The following WIPF3 variants were observed in gnomAD, a reference collection of about 807,000 sequenced individuals.
The protein encoded by WIPF3 is WAS/WASL-interacting protein family member 3.
In WIPF3, 33 loss-of-function variants were observed where a neutral mutation model predicts 38.9. That is an observed-to-expected ratio of 0.85 (90% CI 0.64 to 1.14). The LOEUF (loss-of-function observed/expected upper bound fraction) is 1.14, where lower values mean the gene tolerates loss of function less well. Among genes scored for constraint, WIPF3 ranks in the 50% most tolerant of loss-of-function variants. The pLI, the probability that WIPF3 is intolerant of heterozygous loss-of-function variation, is 0.00. For missense variants in WIPF3, 711 were observed against 652.5 expected (o/e 1.09, Z -0.98); for synonymous variants, 324 against 269.3 (o/e 1.20, Z -1.99).
intron 6 of WIPF3, among the ~76,000 whole-genome samples, chr7:29,888,525 G>A (rs2128077208): frequency 6.6e-6 from 1 of 152,152 alleles, no homozygotes. Context: ...GTGTGTGTGT[G>A]TGTGTGTGTC....
intron 6 of WIPF3, 109 bp downstream of exon 6, chr7:29,888,326 C>G: frequency 7.2e-7 from 1 of 1,392,130 alleles, no homozygotes; most frequent in Middle Eastern, 2.4e-4. Context: ...AGGGTGCATG[C>G]TTCTTTCATG....
chr7:29,887,842 C>T (rs987074243), intron 5 of WIPF3, among the ~76,000 whole-genome samples: 2 of 152,196 alleles, frequency 1.3e-5, no homozygotes, highest in African/African-American at 4.8e-5. Flanking sequence ...TGTACTATTA[C>T]TACTCCCATC....
intron 2 of WIPF3, among the ~76,000 whole-genome samples, chr7:29,871,320 G>C (rs1189373214): frequency 6.6e-6 from 1 of 152,202 alleles, no homozygotes; most frequent in Non-Finnish European, 1.5e-5. Context: ...GCTGACGCCT[G>C]TCTGCCCCCA....
intron 7 of WIPF3, among the ~76,000 whole-genome samples, chr7:29,902,268 C>CTTTTTTTTTTTTTTT (rs1267369053): frequency 5.1e-5 from 6 of 117,306 alleles, no homozygotes; most frequent in Admixed American, 9.3e-5. Context: ...TCTTCTTCTT[C>CTTTTTTTTTTTTTTT]TTCTTCTTTT....
intron 7 of WIPF3, among the ~76,000 whole-genome samples, chr7:29,899,573 C>T (rs1786229633): frequency 6.6e-6 from 1 of 152,198 alleles, no homozygotes; most frequent in Admixed American, 6.5e-5. Flanking sequence ...AAAATGTTCA[C>T]TCATATATGC....
chr7:29,884,515 G>A lies in WIPF3; in HGVS notation c.1021G>A (p.Gly341Ser), dbSNP rs1351430915. 49 of 1,574,618 alleles carry A rather than the reference G, an allele frequency of 3.1e-5. No homozygotes were observed. The highest frequency in any genetic ancestry group is 1.4e-4 in the African/African-American group (10 of 72,376). ...PSFQAPPQKAGAQALPAPPAP... is the reference protein window; with the variant it reads ...PSFQAPPQKASAQALPAPPAP... Reference sequence around the variant, plus strand: ...CTTCCAGGCCCCACCGCAGAAGGCCGGTGCGCAGGCCTTGCCCGCCCCGCC... The same window carrying A: ...CTTCCAGGCCCCACCGCAGAAGGCCAGTGCGCAGGCCTTGCCCGCCCCGCC... The change falls in exon 5 of 9, where the codon GGT becomes AGT. Residue 341 changes from glycine (G) to serine (S), a missense_variant. Physicochemically the swap from Gly to Ser is moderately conservative, Grantham distance 56. Transcript: ENST00000242140.
chr7:29,884,264 T>TTGGCCCCC lies in WIPF3; in HGVS notation c.770_771insTGGCCCCC (p.Pro258GlyfsTer119). 1 of 1,315,278 alleles carries TTGGCCCCC rather than the reference T, an allele frequency of 7.6e-7. No homozygotes were observed. The highest frequency in any genetic ancestry group is 1.0e-6 in the Non-Finnish European group (1 of 992,702). The allele number at this position is 1,315,278 out of a possible 1,614,324, so 81.5% of individuals were successfully genotyped here. On this transcript the variant is annotated frameshift_variant, in exon 5 of 9. Coordinates refer to ENST00000242140, the MANE Select transcript of WIPF3 (RefSeq NM_001080529.3). LOFTEE classifies it high-confidence loss of function. ...AAGCCTCAGCTGGCTCCCTTGCACC[T>TTGGCCCCC]CCCGCCCATCCCGCCCCCGCTCCCT...
At chr7:29,875,695 A>G (rs1785577246) in intron 2 of WIPF3, 135 bp from the exon 3 acceptor site, 1 of 1,196,736 alleles carries the variant, frequency 8.4e-7, no homozygotes. Context: ...TGTCTCTCCC[A>G]TAGGTAATCT....
At position 29,837,915 on chromosome 7, in the gene WIPF3, G is replaced by T. The variant is rs531597345; in HGVS notation, c.90+3101G>T. 4.2e-4 allele frequency among the ~76,000 whole-genome samples: 63 copies of T among 151,256 alleles called. 1 individual carries two copies. In the South Asian group the frequency reaches 8.9e-3, roughly 21 times the overall value. On this transcript the variant is annotated intron_variant, in intron 2 of 8. Transcript: ENST00000242140. ...ATATTTTTATTTATTTATTTATTTAGTTAGTTAGTTATTTAGTTATTGAGA... is the reference window on the plus strand; with the variant it reads ...ATATTTTTATTTATTTATTTATTTATTTAGTTAGTTATTTAGTTATTGAGA...
intron 2 of WIPF3, among the ~76,000 whole-genome samples, chr7:29,840,941 C>T (rs560549097): frequency 6.6e-6 from 1 of 152,140 alleles, no homozygotes; most frequent in African/African-American, 2.4e-5. Context: ...GGCACCTGAT[C>T]GGATATCAAG....
At position 29,850,909 on chromosome 7, in the gene WIPF3, T is replaced by C. The variant is rs557856361; in HGVS notation, c.90+16095T>C. ...CCAATTCTTTTGGACCTCACTTTCC[T>C]CATCTGTGAAATGGAAATAATAATA... is the stretch of plus-strand genomic sequence containing the variant. On this transcript the variant is annotated intron_variant, in intron 2 of 8. Transcript: ENST00000242140. Among the ~76,000 whole-genome samples the C allele has an allele frequency of 2.4e-4, 37 of 152,196 alleles. 1 individual carries two copies. The highest frequency in any genetic ancestry group is 1.6e-4 in the Non-Finnish European group (11 of 68,032).
Position 29,834,810 on chromosome 7 carries a change from C to T in WIPF3, c.86C>T (p.Pro29Leu), listed in dbSNP as rs1292609776. 2 of 1,541,006 alleles carry T rather than the reference C, an allele frequency of 1.3e-6. No individual in the cohort carries two copies. The highest frequency in any genetic ancestry group is 1.8e-6 in the Non-Finnish European group (2 of 1,141,504). The stretch of plus-strand genomic sequence containing the variant: ...CCTCCCCCTCCCCCACCATCAGCAC[C>T]CCCGGTAAGACCTTTTTTTCTGATT... ...GAPPPPPPSA[P>L]PVSTDTSSLR... Residue 29 changes from proline (P) to leucine (L), a missense_variant, in exon 2 of 9, where the codon CCC becomes CTC. Transcript: ENST00000242140.
At chr7:29,845,825 T>G (rs1034019002) in intron 2 of WIPF3, among the ~76,000 whole-genome samples, 8 of 152,222 alleles carry the variant, frequency 5.3e-5, no homozygotes, top group African/African-American at 1.9e-4. Context: ...AGGCACTCAG[T>G]TCCTAGCCTT....
chr7:29,888,287 G>C, intron 6 of WIPF3, 70 bp downstream of exon 6: 1 of 1,526,068 alleles, frequency 6.6e-7, no homozygotes, highest in Non-Finnish European at 8.8e-7. Flanking sequence ...TCTGGAGAGA[G>C]AGTTTGCTGG....
chr7:29,863,089 G>A (rs1785324387), intron 2 of WIPF3, among the ~76,000 whole-genome samples: 1 of 151,984 alleles, frequency 6.6e-6, no homozygotes, highest in African/African-American at 2.4e-5. Flanking sequence ...TTAACATATA[G>A]TAAGACTGAC....
At chr7:29,910,104 A>G (rs1436036066) in intron 8 of WIPF3, among the ~76,000 whole-genome samples, 1 of 152,196 alleles carries the variant, frequency 6.6e-6, no homozygotes, top group Non-Finnish European at 1.5e-5. Context: ...TCTGTAACCC[A>G]AAGATAAATG....
intron 2 of WIPF3, among the ~76,000 whole-genome samples, chr7:29,851,603 A>G (rs373493343): frequency 2.6e-5 from 4 of 152,188 alleles, no homozygotes; most frequent in Admixed American, 1.3e-4. Flanking sequence ...GATAAAAGCA[A>G]TTGTCAAGCA....
chr7:29,913,523 C>T (rs1430474122), intron 8 of WIPF3, among the ~76,000 whole-genome samples: 7 of 152,156 alleles, frequency 4.6e-5, no homozygotes, highest in East Asian at 1.9e-4. Flanking sequence ...ATATTATTCC[C>T]GTGACCAGGA....
chr7:29,834,090 T>C (rs1562773312), intron 1 of WIPF3, among the ~76,000 whole-genome samples: 1 of 152,050 alleles, frequency 6.6e-6, no homozygotes, highest in Non-Finnish European at 1.5e-5. Context: ...CTCATCCAGA[T>C]GGCTGGGTAG....
Sources: allele counts gnomAD v4.1 joint callset (sites outside exome capture counted in the v4.1 genomes callset), GRCh38; gene constraint gnomAD v4.1.1; transcripts MANE v1.5; gene names NCBI Gene and HGNC (gene_info 2026-07-23, HGNC 2026-07-21).